Variants in RETREG1 observed in about 807,000 individuals in gnomAD.
RETREG1 encodes the protein reticulophagy regulator 1.
Under a neutral mutation model 54.8 loss-of-function variants are expected in RETREG1, and 44 were observed. That is an observed-to-expected ratio of 0.80 (90% confidence interval 0.63 to 1.03). The LOEUF (loss-of-function observed/expected upper bound fraction) is 1.03, where lower values mean the gene tolerates loss of function less well. Among genes scored for constraint, RETREG1 ranks in the 50% least tolerant of loss-of-function variants. The pLI, the probability that RETREG1 is intolerant of heterozygous loss-of-function variation, is 0.00. For synonymous variants in RETREG1, 217 were observed against 238.5 expected, an observed-to-expected ratio of 0.91 and a Z score of 0.83; for missense variants, 554 against 605.1, an observed-to-expected ratio of 0.92 and a Z score of 0.89.
At chr5:16,578,882 G>A (rs1441673672) in intron 1 of RETREG1, among the ~76,000 whole-genome samples, 1 of 152,212 alleles carries the variant, frequency 6.6e-6, no homozygotes, top group Non-Finnish European at 1.5e-5. Flanking sequence ...TAACCAAAGT[G>A]CTATTCAGGA....
In RETREG1 at chr5:16,594,423, C is replaced by T. The variant is rs568938415; in HGVS notation, c.320+22229G>A. Among the ~76,000 whole-genome samples, 1 of 152,058 alleles carries T rather than the reference C, an allele frequency of 6.6e-6. No individual in the cohort carries two copies. The highest frequency in any genetic ancestry group is 1.9e-4 in the East Asian group (1 of 5,190). On this transcript the variant is annotated intron_variant, in intron 1 of 8. Coordinates refer to ENST00000306320, the MANE Select transcript of RETREG1 (RefSeq NM_001034850.3). The surrounding 1 kb of genome is among the most constrained non-coding windows in gnomAD (Gnocchi z 4.4). ...AACTTTTATAAGAAAAAAAGTTAAA[C>T]GCTTAACATAGCATTTTTCAGTTGG...
chr5:16,589,096 C>T (rs1165384256), intron 1 of RETREG1, among the ~76,000 whole-genome samples: 2 of 152,190 alleles, frequency 1.3e-5, no homozygotes, highest in Non-Finnish European at 1.5e-5. Context: ...TAGAGCCCCA[C>T]ATCCAGTAGT....
intron 3 of RETREG1, among the ~76,000 whole-genome samples, chr5:16,493,654 T>C (rs1259215782): frequency 2.6e-5 from 4 of 152,214 alleles, no homozygotes; most frequent in Non-Finnish European, 4.4e-5. Flanking sequence ...AACCCAGGGT[T>C]TACTGTAGTT....
intron 3 of RETREG1, among the ~76,000 whole-genome samples, chr5:16,498,667 G>A (rs375319152): frequency 2.0e-5 from 3 of 152,122 alleles, no homozygotes; most frequent in Non-Finnish European, 2.9e-5. Flanking sequence ...AGCCAAGATC[G>A]TGCCACTGCA....
At chr5:16,580,729 G>A (rs1290720558) in intron 1 of RETREG1, among the ~76,000 whole-genome samples, 1 of 152,146 alleles carries the variant, frequency 6.6e-6, no homozygotes, top group African/African-American at 2.4e-5. Context: ...AGGGCAGGGC[G>A]ATCGAGTACA....
At chr5:16,508,442 C>T in intron 3 of RETREG1, 1 of 868,728 alleles carries the variant, frequency 1.2e-6, no homozygotes, top group Non-Finnish European at 1.8e-6. Flanking sequence ...AATTATGTTT[C>T]CTGGAATTAA....
At chr5:16,577,944 C>T (rs1231196177) in intron 1 of RETREG1, among the ~76,000 whole-genome samples, 2 of 152,196 alleles carry the variant, frequency 1.3e-5, no homozygotes, top group Non-Finnish European at 2.9e-5. Flanking sequence ...GCCTCTTTTT[C>T]TTTATAAATT....
chr5:16,573,136 C>T (rs571323568), intron 1 of RETREG1, among the ~76,000 whole-genome samples: 15 of 132,988 alleles, frequency 1.1e-4, no homozygotes, highest in African/African-American at 4.2e-4. Context: ...GAGCCAAGAT[C>T]GCACCACTGC....
chr5:16,616,722 C>T lies in RETREG1; in HGVS notation c.250G>A (p.Asp84Asn), dbSNP rs1424356638. The T allele has an allele frequency of 6.9e-6, 11 of 1,584,984 alleles. No homozygotes were observed. The highest frequency in any genetic ancestry group is 6.8e-6 in the Non-Finnish European group (8 of 1,173,240). Residue 84 changes from aspartate (D) to asparagine (N), a missense_variant, in exon 1 of 9, where the codon GAC becomes AAC. By Grantham distance (23) the Asp-to-Asn change is conservative (BLOSUM62 1). Around this residue, in one of 4 missense-constraint regions of RETREG1, gnomAD observed 175 missense variants for 142.1 expected, o/e 1.23. Transcript: ENST00000306320. ...EPVLWLGCRA[D>N]ELLSWKRPLR... ...GGCCTCTTCCAGCTCAGCAGCTCGT[C>T]GGCGCGGCAGCCCAGCCACAGCACC...
chr5:16,490,578 T>C (rs187996455), intron 3 of RETREG1, among the ~76,000 whole-genome samples: 82 of 152,164 alleles, frequency 5.4e-4, no homozygotes, highest in African/African-American at 1.9e-3. Flanking sequence ...TCTTATAAAC[T>C]TACTACTTAC....
At chr5:16,533,051 C>A (rs1317507264) in intron 3 of RETREG1, among the ~76,000 whole-genome samples, 1 of 148,336 alleles carries the variant, frequency 6.7e-6, no homozygotes, top group African/African-American at 2.5e-5. Context: ...ATAATATGAA[C>A]TTTTTTTTTT....
At chr5:16,513,688 A>T (rs1393530930) in intron 3 of RETREG1, among the ~76,000 whole-genome samples, 1 of 152,242 alleles carries the variant, frequency 6.6e-6, no homozygotes, top group Non-Finnish European at 1.5e-5. Context: ...ATTTCAAGTC[A>T]AGTCTATATC....
chr5:16,616,452 T>C, intron 1 of RETREG1, 200 bp downstream of exon 1: 1 of 985,304 alleles, frequency 1.0e-6, no homozygotes, highest in Admixed American at 3.2e-5. Flanking sequence ...GAACGACAAC[T>C]GCTCACAGGG....
intron 3 of RETREG1, among the ~76,000 whole-genome samples, chr5:16,513,650 C>A (rs570682564): frequency 7.0e-4 from 107 of 152,346 alleles, no homozygotes; most frequent in African/African-American, 2.5e-3. Context: ...GTCTCTCAGA[C>A]AGAAGAAAGA....
intron 1 of RETREG1, among the ~76,000 whole-genome samples, chr5:16,608,457 T>A (rs987963762): frequency 2.6e-5 from 4 of 152,192 alleles, no homozygotes; most frequent in African/African-American, 9.6e-5. Flanking sequence ...AAACTATACC[T>A]TTTCTTCTGG....
At chr5:16,610,499 A>G (rs1014948723) in intron 1 of RETREG1, among the ~76,000 whole-genome samples, 7 of 152,210 alleles carry the variant, frequency 4.6e-5, no homozygotes, top group African/African-American at 1.4e-4. Context: ...AATTTTTGCA[A>G]TCTACTCATC....
chr5:16,611,366 C>T (rs1477958312), intron 1 of RETREG1, among the ~76,000 whole-genome samples: 1 of 152,102 alleles, frequency 6.6e-6, no homozygotes, highest in Non-Finnish European at 1.5e-5. Context: ...AACAAACCTG[C>T]ACGTTGTGCA....
chr5:16,536,148 AC>A (rs1460307404), intron 3 of RETREG1, among the ~76,000 whole-genome samples: 2 of 152,162 alleles, frequency 1.3e-5, no homozygotes, highest in South Asian at 4.1e-4. Context: ...TTGGGAAAAC[AC>A]CTCTATCCCA....
chr5:16,572,371 C>T (rs1208352957), intron 1 of RETREG1, among the ~76,000 whole-genome samples: 1 of 152,086 alleles, frequency 6.6e-6, no homozygotes, highest in Non-Finnish European at 1.5e-5. Flanking sequence ...AGCCACCACG[C>T]CAAGCTCATT....
Sources: allele counts gnomAD v4.1 joint callset (sites outside exome capture counted in the v4.1 genomes callset), GRCh38; gene constraint gnomAD v4.1.1; regional missense constraint gnomAD v4.1.1; non-coding constraint Gnocchi (gnomAD v3.1); transcripts MANE v1.5; gene names NCBI Gene and HGNC (gene_info 2026-07-23, HGNC 2026-07-21).